The following FMN2 variants were observed in gnomAD, a reference collection of about 807,000 sequenced individuals.
FMN2 encodes formin 2.
In FMN2, 51 loss-of-function variants were observed where a neutral mutation model predicts 142.3. The ratio of observed to expected loss-of-function variants is 0.36; its 90% CI spans 0.29 to 0.45. The LOEUF (loss-of-function observed/expected upper bound fraction) is 0.45, where lower values mean the gene tolerates loss of function less well. FMN2 is among the 20% of genes least tolerant of loss of function. FMN2 has a pLI of 1.00. For synonymous variants in FMN2, 882 were observed against 869.8 expected (o/e 1.01, Z -0.25); for missense variants, 1,936 against 2,122.8 (o/e 0.91, Z 1.73).
At chr1:240,197,387 G>A (rs1278790766) in intron 4 of FMN2, among the ~76,000 whole-genome samples, 2 of 152,076 alleles carry the variant, frequency 1.3e-5, no homozygotes, top group East Asian at 1.9e-4. Context: ...AGTTCTGTGG[G>A]CTGGTCTAAC....
chr1:240,402,799 C>T (rs940534460), intron 15 of FMN2, among the ~76,000 whole-genome samples: 1 of 152,140 alleles, frequency 6.6e-6, no homozygotes, highest in African/African-American at 2.4e-5. Flanking sequence ...ATGTCCATTC[C>T]TTTATATTTA....
intron 14 of FMN2, among the ~76,000 whole-genome samples, chr1:240,379,811 G>A (rs549504551): frequency 6.6e-6 from 1 of 152,196 alleles, no homozygotes; most frequent in African/African-American, 2.4e-5. Context: ...AAAACAAAAC[G>A]TTGGTTTCTT....
At chr1:240,138,173 T>C (rs1663032174) in intron 2 of FMN2, among the ~76,000 whole-genome samples, 1 of 151,582 alleles carries the variant, frequency 6.6e-6, no homozygotes, top group South Asian at 2.1e-4. Context: ...AACCCTATTC[T>C]CAGGAGCAGT....
At chr1:240,248,090 C>A (rs1668140263) in intron 6 of FMN2, among the ~76,000 whole-genome samples, 1 of 151,874 alleles carries the variant, frequency 6.6e-6, no homozygotes, top group African/African-American at 2.4e-5. Flanking sequence ...CTCCTCATCA[C>A]CTCCCCCTCC....
At chr1:240,411,985 C>A (rs1361921044) in intron 15 of FMN2, among the ~76,000 whole-genome samples, 1 of 152,022 alleles carries the variant, frequency 6.6e-6, no homozygotes. Flanking sequence ...CAGATAGGAG[C>A]AGAAAGAGAG....
intron 7 of FMN2, among the ~76,000 whole-genome samples, chr1:240,287,406 C>T (rs1422154033): frequency 1.3e-5 from 2 of 152,198 alleles, no homozygotes; most frequent in African/African-American, 4.8e-5. Context: ...ATGCTTTCTT[C>T]AAGCCCTTAT....
chr1:240,364,535 A>C (rs1672597507), intron 14 of FMN2, among the ~76,000 whole-genome samples: 1 of 152,168 alleles, frequency 6.6e-6, no homozygotes, highest in African/African-American at 2.4e-5. Flanking sequence ...ATGAATTTGA[A>C]GTGATTCTTC....
At chr1:240,151,657 A>G (rs1275978144) in intron 2 of FMN2, among the ~76,000 whole-genome samples, 3 of 152,122 alleles carry the variant, frequency 2.0e-5, no homozygotes, top group Admixed American at 1.3e-4. Context: ...TGCCCCACTC[A>G]GCTTGAGACT....
intron 8 of FMN2, among the ~76,000 whole-genome samples, chr1:240,317,320 A>T (rs1173931648): frequency 1.3e-5 from 2 of 152,060 alleles, no homozygotes; most frequent in Non-Finnish European, 1.5e-5. Context: ...AGAAAAAGAA[A>T]AGAAAGATGT....
intron 2 of FMN2, among the ~76,000 whole-genome samples, chr1:240,173,224 C>T (rs1011158952): frequency 6.6e-6 from 1 of 152,180 alleles, no homozygotes; most frequent in African/African-American, 2.4e-5. Context: ...GTGTGAGCCA[C>T]CACGCCCGGC....
intron 14 of FMN2, among the ~76,000 whole-genome samples, chr1:240,383,104 A>C (rs1189948739): frequency 2.0e-5 from 3 of 152,174 alleles, no homozygotes; most frequent in Non-Finnish European, 4.4e-5. Context: ...CCATATACAA[A>C]ATTTTACTCA....
chr1:240,467,474 G>T (rs1253072270), intron 16 of FMN2, among the ~76,000 whole-genome samples: 2 of 151,974 alleles, frequency 1.3e-5, no homozygotes, highest in East Asian at 3.9e-4. Context: ...CACCATGTTG[G>T]CCAGGCTGGT....
intron 3 of FMN2, among the ~76,000 whole-genome samples, chr1:240,186,341 A>G (rs1368490123): frequency 6.6e-6 from 1 of 152,156 alleles, no homozygotes; most frequent in African/African-American, 2.4e-5. Flanking sequence ...CAAATATTTT[A>G]AGCACCTACT....
intron 2 of FMN2, among the ~76,000 whole-genome samples, chr1:240,126,990 C>A (rs1662537958): frequency 6.6e-6 from 1 of 152,062 alleles, no homozygotes; most frequent in African/African-American, 2.4e-5. Flanking sequence ...AGGCAGCTCC[C>A]AGGGCAAGTC....
rs750017017 is a variant in FMN2 at position 240,207,250 on chromosome 1, C to T, written c.2438C>T (p.Pro813Leu). 3.1e-6 allele frequency: 5 copies of T among 1,614,040 alleles called. No homozygotes were observed. The South Asian group carries it at 3.3e-5, about 11-fold the overall frequency. The change falls in exon 5 of 18, where the codon CCT becomes CTT. Residue 813 changes from proline to leucine, a missense_variant. Physicochemically the swap from Pro to Leu is moderately conservative, Grantham distance 98 (BLOSUM62 -3). This residue lies in a region of FMN2 where 478 missense variants were observed against 462.8 expected (regional missense o/e 1.03). Transcript: ENST00000319653. ...CAGAGCATCTCACAGCCTCCACCAC[C>T]TCCATCCCTTCTGTGGTCTGCTGGG... is the stretch of plus-strand genomic sequence containing the variant. Reference protein sequence around the residue: ...PTQSISQPPPPPSLLWSAGQG... With the variant: ...PTQSISQPPPLPSLLWSAGQG...
At chr1:240,328,168 A>AAAAAAAAAAAAAG (rs1553363688) in intron 8 of FMN2, among the ~76,000 whole-genome samples, 2 of 135,806 alleles carry the variant, frequency 1.5e-5, no homozygotes, top group African/African-American at 2.8e-5. Flanking sequence ...AAAAAAAAAA[A>AAAAAAAAAAAAAG]AAAAGAAAAA....
chr1:240,143,075 C>T (rs1047912836), intron 2 of FMN2: 2 of 1,514,964 alleles, frequency 1.3e-6, no homozygotes, highest in African/African-American at 1.4e-5. Context: ...TAAGTGTACC[C>T]TTCCCTAAAT....
At chr1:240,467,384 C>T (rs558626742) in intron 16 of FMN2, among the ~76,000 whole-genome samples, 2 of 151,778 alleles carry the variant, frequency 1.3e-5, no homozygotes, top group South Asian at 2.1e-4. Context: ...AAGCAATTCT[C>T]CAGCCTCCGG....
chr1:240,465,623 C>T lies in FMN2; in HGVS notation c.5061-6749C>T, dbSNP rs186828284. 8.5e-5 allele frequency among the ~76,000 whole-genome samples: 13 copies of T among 152,194 alleles called. 1 individual carries two copies. In the East Asian group the frequency reaches 2.3e-3, roughly 27 times the overall value. ...CTCCCATGCTGGGAGATTCCATAGG[C>T]GAACAGGGCTACTTCCAGCAAGCCG... On this transcript the variant is annotated intron_variant, in intron 16 of 17. Transcript: ENST00000319653.
Sources: allele counts gnomAD v4.1 joint callset (sites outside exome capture counted in the v4.1 genomes callset), GRCh38; gene constraint gnomAD v4.1.1; regional missense constraint gnomAD v4.1.1; transcripts MANE v1.5; gene names NCBI Gene and HGNC (gene_info 2026-07-23, HGNC 2026-07-21).